The following PC variants were observed in gnomAD, a reference collection of about 807,000 sequenced individuals.
PC encodes the protein pyruvate carboxylase, mitochondrial.
In PC, 46 loss-of-function variants were observed where a neutral mutation model predicts 107.8. The ratio of observed to expected loss-of-function variants is 0.43; its 90% CI spans 0.34 to 0.55. The LOEUF (loss-of-function observed/expected upper bound fraction) is 0.55, where lower values mean the gene tolerates loss of function less well. Among genes scored for constraint, PC ranks in the 20% least tolerant of loss-of-function variants. The pLI is 0.04. For missense variants in PC, 1,241 were observed against 1,643.1 expected (o/e 0.76, Z 4.23); for synonymous variants, 662 against 684.7 (o/e 0.97, Z 0.52).
In PC at chr11:66,871,310, T is replaced by G. The variant is rs776944688; in HGVS notation, c.487+5A>C. 6.2e-7 allele frequency: 1 copy of G among 1,614,022 alleles called. No homozygotes were observed. The highest frequency in any genetic ancestry group is 8.5e-7 in the Non-Finnish European group (1 of 1,180,024). On this transcript the variant is annotated splice_donor_5th_base_variant and intron_variant, in intron 6 of 22. Coordinates refer to ENST00000393960, the MANE Select transcript of PC (RefSeq NM_001040716.2). The surrounding 1 kb of genome is among the most constrained non-coding windows in gnomAD (Gnocchi z 7.4). The stretch of plus-strand genomic sequence containing the variant: ...GGCCACCCCTTGCTTGCCCGTTATA[T>G]TCACCCGCAGCAATGGCGATGGCCC...
chr11:66,860,330 C>T, intron 12 of PC: 3 of 1,307,994 alleles, frequency 2.3e-6, no homozygotes, highest in Non-Finnish European at 2.1e-6. Context: ...CTTGGAGGGG[C>T]AGGGAGCCCT....
intron 3 of PC, among the ~76,000 whole-genome samples, chr11:66,895,741 GA>G (rs1319791374): frequency 6.6e-6 from 1 of 152,124 alleles, no homozygotes; most frequent in Non-Finnish European, 1.5e-5. Flanking sequence ...CAGTCCAAGA[GA>G]TCCAAAAACT....
chr11:66,915,731 G>A (rs570896287), intron 3 of PC, among the ~76,000 whole-genome samples: 2 of 152,296 alleles, frequency 1.3e-5, no homozygotes, highest in Admixed American at 6.5e-5. Context: ...AGACTTCCTC[G>A]ATTTATCCTA....
chr11:66,895,568 T>G (rs1947728367), intron 3 of PC, among the ~76,000 whole-genome samples: 1 of 152,146 alleles, frequency 6.6e-6, no homozygotes, highest in African/African-American at 2.4e-5. Flanking sequence ...GCTACACACA[T>G]TTTTAAAGAA....
chr11:66,897,494 C>A (rs1379923697), intron 3 of PC, among the ~76,000 whole-genome samples: 1 of 152,164 alleles, frequency 6.6e-6, no homozygotes, highest in Non-Finnish European at 1.5e-5. Context: ...ATTGCTTAAA[C>A]CCGGGAGGCA....
chr11:66,913,519 A>C (rs565807125), intron 3 of PC, among the ~76,000 whole-genome samples: 31 of 151,854 alleles, frequency 2.0e-4, no homozygotes, highest in African/African-American at 7.2e-4. Flanking sequence ...AAAAAATACA[A>C]AAATTAGCCG....
In PC at chr11:66,871,393, G is replaced by A; in HGVS notation, c.409C>T (p.Arg137Trp). ...FAQACQDAGV[R>W]FIGPSPEVVR... ...ACTTCTGGGCTTGGCCCAATAAACC[G>A]GACCCCTGCATCCTGGCAGGCCTGG... The change falls in exon 6 of 23, where the codon CGG becomes TGG. Residue 137 changes from arginine (R) to tryptophan (W), a missense_variant. Coordinates refer to ENST00000393960, the MANE Select transcript of PC (RefSeq NM_001040716.2). This position sits in a 1 kb window ranked among gnomAD's most constrained non-coding sequence, Gnocchi z 7.4. The A allele has an allele frequency of 3.7e-6, 6 of 1,613,724 alleles. No homozygotes were observed. Among genetic ancestry groups the A allele is most frequent in the Admixed American group, 1.7e-5 (1 of 60,030 alleles).
intron 11 of PC, among the ~76,000 whole-genome samples, chr11:66,865,700 CG>C: frequency 6.6e-6 from 1 of 152,240 alleles, no homozygotes; most frequent in East Asian, 1.9e-4. Context: ...CCTCCTGTGC[CG>C]CCATCTCCGA....
intron 3 of PC, among the ~76,000 whole-genome samples, chr11:66,874,528 A>T (rs1383214308): frequency 6.6e-6 from 1 of 152,238 alleles, no homozygotes; most frequent in Non-Finnish European, 1.5e-5. Flanking sequence ...CAACCTAGAA[A>T]AGGGGAAATA....
intron 11 of PC, 92 bp from the exon 12 acceptor site, chr11:66,864,048 A>G (rs1946390261): frequency 1.6e-6 from 2 of 1,252,786 alleles, no homozygotes; most frequent in Non-Finnish European, 2.3e-6. Context: ...TGCACCCAGC[A>G]GCTGCTGAGA....
intron 3 of PC, among the ~76,000 whole-genome samples, chr11:66,920,022 G>T (rs576972775): frequency 6.6e-6 from 1 of 152,138 alleles, no homozygotes; most frequent in African/African-American, 2.4e-5. Context: ...AGCACAAAAC[G>T]GTTGTTGAAT....
intron 3 of PC, among the ~76,000 whole-genome samples, chr11:66,909,567 T>G (rs956223597): frequency 6.6e-6 from 1 of 152,188 alleles, no homozygotes; most frequent in African/African-American, 2.4e-5. Flanking sequence ...GTGTCCTATT[T>G]GGTCCAGCGC....
chr11:66,940,713 A>C (rs929520644), intron 3 of PC, among the ~76,000 whole-genome samples: 1 of 151,242 alleles, frequency 6.6e-6, no homozygotes, highest in Non-Finnish European at 1.5e-5. Context: ...ATAAATAATA[A>C]AAATTTAAAA....
intron 3 of PC, among the ~76,000 whole-genome samples, chr11:66,896,062 T>G: frequency 6.6e-6 from 1 of 152,204 alleles, no homozygotes; most frequent in East Asian, 1.9e-4. Context: ...AAGGAAAAAT[T>G]GTTTCCAACC....
At chr11:66,896,854 C>A (rs1198374213) in intron 3 of PC, among the ~76,000 whole-genome samples, 1 of 152,182 alleles carries the variant, frequency 6.6e-6, no homozygotes, top group African/African-American at 2.4e-5. Flanking sequence ...TCTAGAATGA[C>A]ACTTCAGGAG....
At chr11:66,868,302 A>G (rs1448243441) in intron 10 of PC, among the ~76,000 whole-genome samples, 1 of 152,278 alleles carries the variant, frequency 6.6e-6, no homozygotes, top group South Asian at 2.1e-4. Flanking sequence ...AGAAATACAC[A>G]CAAGACGGAA....
At chr11:66,868,820 C>T (rs907594493) in intron 10 of PC, 26 bp downstream of exon 10, 35 of 1,576,882 alleles carry the variant, frequency 2.2e-5, no homozygotes, top group Non-Finnish European at 2.9e-5. Flanking sequence ...CCGCGCCTCC[C>T]GCCCCGCCTG....
intron 3 of PC, among the ~76,000 whole-genome samples, chr11:66,931,375 C>A (rs1269413270): frequency 9.8e-5 from 12 of 122,708 alleles, no homozygotes; most frequent in East Asian, 4.8e-4. Context: ...TGGCAAGATT[C>A]CATCTCAAGA....
At chr11:66,937,769 G>C (rs1426852342) in intron 3 of PC, among the ~76,000 whole-genome samples, 1 of 150,224 alleles carries the variant, frequency 6.7e-6, no homozygotes, top group African/African-American at 2.5e-5. Context: ...CAGAATTTCT[G>C]GGTTTTTTTT....
Sources: gnomAD v4.1 joint callset for allele counts (sites outside exome capture counted in the v4.1 genomes callset) on GRCh38, gnomAD v4.1.1 for gene constraint, Gnocchi (gnomAD v3.1) non-coding constraint, MANE v1.5 for transcripts, NCBI Gene and HGNC (gene_info 2026-07-23, HGNC 2026-07-21) for gene names.